Variants in PIK3CG observed in about 807,000 individuals in gnomAD.
The protein encoded by PIK3CG is phosphatidylinositol 4,5-bisphosphate 3-kinase catalytic subunit gamma isoform.
A neutral mutation model predicts 102.3 loss-of-function variants in PIK3CG; 55 were observed. That is an observed-to-expected ratio of 0.54 (90% CI 0.43 to 0.67). The LOEUF is 0.67. PIK3CG is among the 30% of genes least tolerant of loss of function. The pLI is 0.00. For missense variants in PIK3CG, 1,258 were observed against 1,391.8 expected (o/e 0.90, Z 1.53); for synonymous variants, 552 against 540.0 (o/e 1.02, Z -0.31).
At chr7:106,875,898 GT>G (rs371417092) in intron 5 of PIK3CG, among the ~76,000 whole-genome samples, 12 of 130,960 alleles carry the variant, frequency 9.2e-5, no homozygotes, top group Admixed American at 7.9e-4. Flanking sequence ...GTTATCATCA[GT>G]TTTTTTTTTG....
rs947053070 is a variant in PIK3CG at position 106,883,286 on chromosome 7, T to C, written c.2760+123T>C. 2 of 1,013,930 alleles carry C rather than the reference T, an allele frequency of 2.0e-6. No homozygotes were observed. The highest frequency in any genetic ancestry group is 2.9e-6 in the Non-Finnish European group (2 of 679,446). The allele number at this position is 1,013,930 out of a possible 1,614,324, so 62.8% of individuals were successfully genotyped here. A position where few individuals can be genotyped will look rare whatever the true frequency, so the allele number is the denominator to read the frequency against. On this transcript the variant is annotated intron_variant, in intron 8 of 10. Coordinates refer to ENST00000496166, the MANE Select transcript of PIK3CG (RefSeq NM_001282426.2). The surrounding 1 kb of genome is among the most constrained non-coding windows in gnomAD (Gnocchi z 5.8). ...GCCTCCTGACATATTAGTGAAGTTT[T>C]TTACTTGTGAAATAATGGAGGTTTT...
chr7:106,873,723 G>A (rs934849303), intron 4 of PIK3CG, among the ~76,000 whole-genome samples: 1 of 151,792 alleles, frequency 6.6e-6, no homozygotes, highest in Non-Finnish European at 1.5e-5. Context: ...GTATCTGTGT[G>A]TGTGTGTGTG....
In PIK3CG at chr7:106,869,227, G is replaced by A. The variant is rs1790444947; in HGVS notation, c.1666G>A (p.Glu556Lys). Residue 556 changes from glutamate to lysine, a missense_variant, in exon 2 of 11, where the codon GAG becomes AAG. Physicochemically the swap from Glu to Lys is moderately conservative, Grantham distance 56. Transcript: ENST00000496166. The surrounding 1 kb of genome is among the most constrained non-coding windows in gnomAD (Gnocchi z 5.3). Reference sequence around the variant, plus strand: ...GCCCAACCAGCTTCGCAAGCAATTGGAGGCGATCATAGCCACTGATCCACT... The same window carrying A: ...GCCCAACCAGCTTCGCAAGCAATTGAAGGCGATCATAGCCACTGATCCACT... ...EMPNQLRKQL[E>K]AIIATDPLNP... 1 of 1,614,110 alleles carries A rather than the reference G, an allele frequency of 6.2e-7. No individual in the cohort carries two copies. The highest frequency in any genetic ancestry group is 1.3e-5 in the African/African-American group (1 of 74,946).
rs1409409082 is a variant in PIK3CG at position 106,867,618 on chromosome 7, G to A, written c.57G>A (p.Arg19=). The A allele has an allele frequency of 1.9e-6, 3 of 1,610,878 alleles. No homozygotes were observed. The highest frequency in any genetic ancestry group is 2.2e-5 in the East Asian group (1 of 44,844). The part of the protein sequence containing the change: ...PVVLREDNCR[R]RRRMKPRSAA... ...TGCTGAGAGAGGACAACTGCCGAAG[G>A]CGCCGGAGGATGAAGCCGCGCAGTG... The change falls in exon 2 of 11, where the codon AGG becomes AGA. Residue 19 remains arginine (R), a synonymous_variant. Coordinates refer to ENST00000496166, the MANE Select transcript of PIK3CG (RefSeq NM_001282426.2). This position sits in a 1 kb window ranked among gnomAD's most constrained non-coding sequence, Gnocchi z 5.1.
intron 1 of PIK3CG, among the ~76,000 whole-genome samples, chr7:106,866,679 C>T (rs1701930655): frequency 6.6e-6 from 1 of 152,084 alleles, no homozygotes; most frequent in African/African-American, 2.4e-5. Context: ...GAGAGTACAG[C>T]CTTGGGTGAC....
rs140716866 is a variant in PIK3CG, at chr7:106,905,424, A to G, written c.*37A>G. The G allele has an allele frequency of 1.0e-3, 1,629 of 1,575,248 alleles. 18 individuals carry two copies. The African/African-American group carries it at 0.019, about 18-fold the overall frequency. Reference sequence around the variant, plus strand: ...AGAATCAAAAACAAGTTAGTGTTCTATGGTTTAAATTAGCATAGCAATCAT... The same window carrying G: ...AGAATCAAAAACAAGTTAGTGTTCTGTGGTTTAAATTAGCATAGCAATCAT... On this transcript the variant is annotated 3_prime_UTR_variant, in exon 11 of 11. Coordinates refer to ENST00000496166, the MANE Select transcript of PIK3CG (RefSeq NM_001282426.2). The surrounding 1 kb of genome is among the most constrained non-coding windows in gnomAD (Gnocchi z 5.6).
At chr7:106,881,720 C>A (rs147545361) in intron 6 of PIK3CG, among the ~76,000 whole-genome samples, 1 of 152,030 alleles carries the variant, frequency 6.6e-6, no homozygotes, top group African/African-American at 2.4e-5. Flanking sequence ...CATCATGATG[C>A]GCGCCTCTAA....
chr7:106,887,629 G>A (rs1397828202), intron 10 of PIK3CG, among the ~76,000 whole-genome samples: 7 of 152,072 alleles, frequency 4.6e-5, no homozygotes, highest in Non-Finnish European at 5.9e-5. Context: ...TTTAGTGTGT[G>A]TTTTTCTGCA....
intron 2 of PIK3CG, among the ~76,000 whole-genome samples, chr7:106,871,375 C>A (rs1215048632): frequency 1.3e-5 from 2 of 152,164 alleles, no homozygotes; most frequent in East Asian, 3.9e-4. Context: ...ACCTATTTGA[C>A]CATACTTTTG....
intron 10 of PIK3CG, among the ~76,000 whole-genome samples, chr7:106,904,595 A>G (rs983980386): frequency 3.3e-5 from 5 of 152,226 alleles, no homozygotes; most frequent in African/African-American, 7.2e-5. Context: ...TCATTTAACA[A>G]TTTTGATTAT....
chr7:106,883,310 T>A lies in PIK3CG; in HGVS notation c.2760+147T>A. Reference sequence around the variant, plus strand: ...TTTTACTTGTGAAATAATGGAGGTTTTAAGTACCCTCCCGTGGTGACAGCA... The same window carrying A: ...TTTTACTTGTGAAATAATGGAGGTTATAAGTACCCTCCCGTGGTGACAGCA... On this transcript the variant is annotated intron_variant, in intron 8 of 10. Transcript: ENST00000496166. This position sits in a 1 kb window ranked among gnomAD's most constrained non-coding sequence, Gnocchi z 5.8. 1 of 789,912 alleles carries A rather than the reference T, an allele frequency of 1.3e-6. No individual in the cohort carries two copies. Among genetic ancestry groups the A allele is most frequent in the Non-Finnish European group, 2.0e-6 (1 of 491,736 alleles). The allele number at this position is 789,912 out of a possible 1,614,324, so 48.9% of individuals were successfully genotyped here.
In PIK3CG at chr7:106,865,748, C is replaced by T. The variant is rs552152621; in HGVS notation, c.-13+322C>T. Reference sequence around the variant, plus strand: ...AACATCTTCTCATAAAAGGGGAAAGCTTCATAGCCTCAACCATGAAGGAAA... The same window carrying T: ...AACATCTTCTCATAAAAGGGGAAAGTTTCATAGCCTCAACCATGAAGGAAA... On this transcript the variant is annotated intron_variant, in intron 1 of 10. Coordinates refer to ENST00000496166, the MANE Select transcript of PIK3CG (RefSeq NM_001282426.2). The T allele has an allele frequency of 1.2e-4, 19 of 152,354 alleles. 1 individual carries two copies. Among genetic ancestry groups the T allele is most frequent in the Admixed American group, 1.2e-3 (18 of 15,310 alleles). 9.4% of individuals were successfully genotyped at this position (152,354 alleles called of 1,614,324 possible).
rs149553647 is a variant in PIK3CG, at chr7:106,882,196, G to C, written c.2618G>C (p.Gly873Ala). The change falls in exon 7 of 11, where the codon GGT becomes GCT. Residue 873 changes from glycine (G) to alanine (A), a missense_variant. Transcript: ENST00000496166. ...CLLPYGCIST[G>A]DKIGMIEIVK... ...CTGCCATATGGTTGCATTTCAACTGGTGACAAAATAGGTATGTAGTTACCT... is the reference window on the plus strand; with the variant it reads ...CTGCCATATGGTTGCATTTCAACTGCTGACAAAATAGGTATGTAGTTACCT... 3 of 1,568,394 alleles carry C rather than the reference G, an allele frequency of 1.9e-6. No individual in the cohort carries two copies. The highest frequency in any genetic ancestry group is 1.2e-5 in the South Asian group (1 of 85,428).
intron 5 of PIK3CG, among the ~76,000 whole-genome samples, chr7:106,878,026 G>A (rs757249765): frequency 8.6e-5 from 13 of 151,848 alleles, no homozygotes; most frequent in Non-Finnish European, 1.8e-4. Context: ...GCCTTATATC[G>A]GTCCACATTT....
rs558079394 is a variant in PIK3CG at position 106,903,183 on chromosome 7, C to T, written c.3031-1926C>T. ...TTTGGGAGAAGACTACTTACTGGTTCGCACTGTTTTTAATAATGTAGTTTT... is the reference window on the plus strand; with the variant it reads ...TTTGGGAGAAGACTACTTACTGGTTTGCACTGTTTTTAATAATGTAGTTTT... On this transcript the variant is annotated intron_variant, in intron 10 of 10. Coordinates refer to ENST00000496166, the MANE Select transcript of PIK3CG (RefSeq NM_001282426.2). The surrounding 1 kb of genome is among the most constrained non-coding windows in gnomAD (Gnocchi z 4.3). 1.3e-5 allele frequency among the ~76,000 whole-genome samples: 2 copies of T among 152,078 alleles called. No individual in the cohort carries two copies. The highest frequency in any genetic ancestry group is 2.4e-5 in the African/African-American group (1 of 41,424).
chr7:106,873,291 G>A (rs913304854), intron 4 of PIK3CG, among the ~76,000 whole-genome samples: 3 of 152,104 alleles, frequency 2.0e-5, no homozygotes, highest in Admixed American at 6.6e-5. Context: ...CAAGTTTACA[G>A]TCTTATAAAA....
At chr7:106,870,883 A>T (rs1019391967) in intron 2 of PIK3CG, among the ~76,000 whole-genome samples, 1 of 152,230 alleles carries the variant, frequency 6.6e-6, no homozygotes, top group Non-Finnish European at 1.5e-5. Flanking sequence ...ATATTTGTAT[A>T]ACACTAAAGA....
At chr7:106,885,158 G>A (rs1791049476) in intron 9 of PIK3CG, among the ~76,000 whole-genome samples, 1 of 152,070 alleles carries the variant, frequency 6.6e-6, no homozygotes, top group Non-Finnish European at 1.5e-5. Flanking sequence ...AGGGGTTGGG[G>A]ACCTCTGCTC....
At position 106,879,164 on chromosome 7, in the gene PIK3CG, G is replaced by T. The variant is rs575145706; in HGVS notation, c.2392-355G>T. Among the ~76,000 whole-genome samples the T allele has an allele frequency of 2.0e-5, 3 of 152,306 alleles. No homozygotes were observed. The highest frequency in any genetic ancestry group is 7.2e-5 in the African/African-American group (3 of 41,574). ...TTTTCAAATTAAATCTCAGAAGGCG[G>T]ACAAATATAATAGCCAGGTTGCTGT... is the stretch of plus-strand genomic sequence containing the variant. On this transcript the variant is annotated intron_variant, in intron 5 of 10. Coordinates refer to ENST00000496166, the MANE Select transcript of PIK3CG (RefSeq NM_001282426.2). This position sits in a 1 kb window ranked among gnomAD's most constrained non-coding sequence, Gnocchi z 4.9.
Sources: gnomAD v4.1 joint callset for allele counts (sites outside exome capture counted in the v4.1 genomes callset) on GRCh38, gnomAD v4.1.1 for gene constraint, Gnocchi (gnomAD v3.1) non-coding constraint, MANE v1.5 for transcripts, NCBI Gene and HGNC (gene_info 2026-07-23, HGNC 2026-07-21) for gene names.